Variants in FAM120C observed in about 807,000 individuals in gnomAD.
The protein encoded by FAM120C is family with sequence similarity 120 member C.
In FAM120C, 14 loss-of-function variants were observed where a neutral mutation model predicts 71.2. That is an observed-to-expected ratio of 0.20 (90% CI 0.13 to 0.31). The LOEUF is 0.31. FAM120C is among the 10% of genes least tolerant of loss of function. FAM120C has a pLI of 1.00. For synonymous variants in FAM120C, 354 were observed against 353.2 expected, an observed-to-expected ratio of 1.00 and a Z score of -0.03; for missense variants, 500 against 879.0, an observed-to-expected ratio of 0.57 and a Z score of 5.45.
Position 54,135,130 on chromosome X carries a change from A to G in FAM120C, c.1336-19T>C, listed in dbSNP as rs2067088142. On this transcript the variant is annotated intron_variant, in intron 6 of 15. Coordinates refer to ENST00000375180, the MANE Select transcript of FAM120C (RefSeq NM_017848.6). ...GAGAAAACTAAACGATAAAACAGAC[A>G]GAAAAGCTATTTAACATTTTATAAG... 1 of 1,170,246 alleles carries G rather than the reference A, an allele frequency of 8.5e-7. No homozygotes were observed. The highest frequency in any genetic ancestry group is 1.1e-6 in the Non-Finnish European group (1 of 874,906).
At chrX:54,106,933 C>G (rs782444391) in intron 10 of FAM120C, among the ~76,000 whole-genome samples, 16 of 111,448 alleles carry the variant, frequency 1.4e-4, no homozygotes, top group Non-Finnish European at 2.1e-4. Context: ...GAAATAGTAA[C>G]GCTTTTATGC....
At chrX:54,154,074 T>C (rs1489466241) in intron 3 of FAM120C, among the ~76,000 whole-genome samples, 1 of 109,179 alleles carries the variant, frequency 9.2e-6, no homozygotes, top group Non-Finnish European at 1.9e-5. Context: ...TCTCCTGTTA[T>C]ATTGAGAATA....
intron 1 of FAM120C, among the ~76,000 whole-genome samples, chrX:54,179,707 C>T (rs2067337186): frequency 9.0e-6 from 1 of 111,596 alleles, no homozygotes; most frequent in East Asian, 2.8e-4. Context: ...TAAAAAGTCA[C>T]TTCTACAATC....
chrX:54,161,051 A>G (rs1266167565), intron 1 of FAM120C, among the ~76,000 whole-genome samples: 1 of 112,037 alleles, frequency 8.9e-6, no homozygotes, highest in African/African-American at 3.2e-5. Flanking sequence ...AGCAAGGTCG[A>G]TATTTATTTG....
At position 54,071,933 on chromosome X, in the gene FAM120C, CATGTATGTATGT is replaced by C. The variant is rs199747926; in HGVS notation, c.*1088_*1099del. 14 of 87,114 alleles carry C rather than the reference CATGTATGTATGT, an allele frequency of 1.6e-4. No homozygotes were observed. Among genetic ancestry groups the C allele is most frequent in the Non-Finnish European group, 2.2e-4 (10 of 44,795 alleles). The allele number at this position is 87,114 out of a possible 1,213,427, so 7.2% of individuals were successfully genotyped here. On this transcript the variant is annotated 3_prime_UTR_variant, in exon 16 of 16. Coordinates refer to ENST00000375180, the MANE Select transcript of FAM120C (RefSeq NM_017848.6). Reference sequence around the variant, plus strand: ...TTGAGTAAATCCTCTGGGACATCACCATGTATGTATGTATGTATGTATGTATGTATGTATGTG... The same window carrying C: ...TTGAGTAAATCCTCTGGGACATCACCATGTATGTATGTATGTATGTATGTG...
At chrX:54,093,894 T>C (rs782582032) in intron 10 of FAM120C, among the ~76,000 whole-genome samples, 2 of 111,297 alleles carry the variant, frequency 1.8e-5, no homozygotes, top group African/African-American at 6.5e-5. Flanking sequence ...AGTAGTTACA[T>C]TACTACAAAT....
At chrX:54,129,180 C>T (rs1417557208) in intron 9 of FAM120C, among the ~76,000 whole-genome samples, 6 of 108,392 alleles carry the variant, frequency 5.5e-5, no homozygotes, top group Admixed American at 9.6e-5. Flanking sequence ...ACCTCCCTCC[C>T]GGACGGGGTG....
chrX:54,139,281 TA>T (rs1413532337), intron 4 of FAM120C, among the ~76,000 whole-genome samples: 2 of 111,213 alleles, frequency 1.8e-5, no homozygotes, highest in African/African-American at 6.5e-5. Flanking sequence ...TAAAAAACTG[TA>T]AAACATGTAT....
chrX:54,072,162 C>CACACAT lies in FAM120C; in HGVS notation c.*870_*871insATGTGT, dbSNP rs2066713603. On this transcript the variant is annotated 3_prime_UTR_variant, in exon 16 of 16. Coordinates refer to ENST00000375180, the MANE Select transcript of FAM120C (RefSeq NM_017848.6). ...ACACCCACACACAAGCACACATTCACACACACACACACACACACACACACA... is the reference window on the plus strand; with the variant it reads ...ACACCCACACACAAGCACACATTCACACACATACACACACACACACACACACACACA... The CACACAT allele has an allele frequency of 2.3e-5, 2 of 87,142 alleles. No homozygotes were observed. The highest frequency in any genetic ancestry group is 4.5e-5 in the Non-Finnish European group (2 of 44,410). 7.2% of individuals were successfully genotyped at this position (87,142 alleles called of 1,213,427 possible).
At chrX:54,176,865 C>A (rs782648972) in intron 1 of FAM120C, among the ~76,000 whole-genome samples, 7 of 110,443 alleles carry the variant, frequency 6.3e-5, no homozygotes, top group Non-Finnish European at 5.7e-5. Context: ...GAGAATTATG[C>A]GATATGAAAA....
chrX:54,156,842 G>GCT (rs1377801437), intron 3 of FAM120C, among the ~76,000 whole-genome samples: 1 of 98,063 alleles, frequency 1.0e-5, no homozygotes. Context: ...AGCTGAGATT[G>GCT]CAACACTGAA....
chrX:54,146,221 A>G (rs1250692151), intron 4 of FAM120C, among the ~76,000 whole-genome samples: 1 of 111,450 alleles, frequency 9.0e-6, no homozygotes, highest in Non-Finnish European at 1.9e-5. Flanking sequence ...ACGAGTTAAC[A>G]GGTGCAGCAC....
chrX:54,141,612 C>T (rs2067126309), intron 4 of FAM120C, among the ~76,000 whole-genome samples: 1 of 109,082 alleles, frequency 9.2e-6, no homozygotes, highest in Non-Finnish European at 1.9e-5. Context: ...TTTGGAAATC[C>T]TAGACAGTGC....
chrX:54,123,980 G>A (rs1377157808), intron 9 of FAM120C, among the ~76,000 whole-genome samples: 1 of 87,489 alleles, frequency 1.1e-5, no homozygotes, highest in African/African-American at 4.2e-5. Flanking sequence ...ACCCTGCCAT[G>A]TGAGGTGTCA....
chrX:54,152,262 C>T (rs988428365), intron 3 of FAM120C, among the ~76,000 whole-genome samples: 15 of 111,338 alleles, frequency 1.3e-4, no homozygotes, highest in Non-Finnish European at 2.1e-4. Context: ...TTGTTTGAGA[C>T]GGAGTCTTGC....
chrX:54,175,374 A>G (rs1421778008), intron 1 of FAM120C, among the ~76,000 whole-genome samples: 1 of 111,228 alleles, frequency 9.0e-6, no homozygotes, highest in Non-Finnish European at 1.9e-5. Flanking sequence ...TTGTCCTGAT[A>G]AGAAAAATGG....
At chrX:54,165,341 T>G (rs782694480) in intron 1 of FAM120C, among the ~76,000 whole-genome samples, 1 of 112,018 alleles carries the variant, frequency 8.9e-6, no homozygotes, top group African/African-American at 3.2e-5. Context: ...CCTTTATTTA[T>G]ATGCCATTTA....
chrX:54,168,625 G>A (rs1362248321), intron 1 of FAM120C, among the ~76,000 whole-genome samples: 1 of 112,343 alleles, frequency 8.9e-6, no homozygotes, highest in Non-Finnish European at 1.9e-5. Context: ...GTCATCTCCA[G>A]TACATAGACC....
At chrX:54,105,494 A>T (rs781868212) in intron 10 of FAM120C, among the ~76,000 whole-genome samples, 42 of 112,027 alleles carry the variant, frequency 3.7e-4, no homozygotes, top group Admixed American at 1.0e-3. Flanking sequence ...TTTGAAAACC[A>T]GCACAAGACA....
Sources: gnomAD v4.1 joint callset for allele counts (sites outside exome capture counted in the v4.1 genomes callset) on GRCh38, gnomAD v4.1.1 for gene constraint, MANE v1.5 for transcripts, NCBI Gene and HGNC (gene_info 2026-07-23, HGNC 2026-07-21) for gene names.